Variants in RAB38 observed in about 807,000 individuals in gnomAD.
RAB38 encodes RAB38, member RAS oncogene family.
Under a neutral mutation model 18.4 loss-of-function variants are expected in RAB38, and 15 were observed. That is an observed-to-expected ratio of 0.82 (90% CI 0.55 to 1.26). The LOEUF (loss-of-function observed/expected upper bound fraction) is 1.26. Ranked by LOEUF, RAB38 falls within the 50% of genes most tolerant of loss-of-function variation. RAB38 has a pLI of 0.00. For missense variants in RAB38, 294 were observed against 267.4 expected (o/e 1.10, Z -0.69); for synonymous variants, 101 against 104.4 (o/e 0.97, Z 0.20).
the RAB38 span, among the ~76,000 whole-genome samples, chr11:88,041,501 T>C: frequency 6.6e-6 from 1 of 152,228 alleles, no homozygotes; most frequent in Admixed American, 6.5e-5. Context: ...ACCCAAATGA[T>C]TCAGAGTACC....
At chr11:88,134,986 C>T (rs181755113) in intron 2 of RAB38, among the ~76,000 whole-genome samples, 36 of 152,336 alleles carry the variant, frequency 2.4e-4, no homozygotes, top group Non-Finnish European at 2.9e-4. Context: ...AAAAATACAG[C>T]TGTCAATTCC....
chr11:88,053,037 TATATACATATATGGAATATATATATTA>T, the RAB38 span, among the ~76,000 whole-genome samples: 1 of 129,254 alleles, frequency 7.7e-6, no homozygotes, highest in Non-Finnish European at 1.6e-5. Context: ...ATATATATAA[TATATACATATATGGAATATATATATTA>T]TATATATACA....
chr11:87,832,159 A>G, the RAB38 span, among the ~76,000 whole-genome samples: 1 of 152,320 alleles, frequency 6.6e-6, no homozygotes, highest in East Asian at 1.9e-4. Context: ...AAATGCCAGC[A>G]TTGGACTAAG....
chr11:87,901,924 CTT>C, the RAB38 span, among the ~76,000 whole-genome samples: 5,244 of 143,324 alleles, frequency 0.037, 272 homozygotes, highest in Admixed American at 0.16. Flanking sequence ...GTTTGGCTGA[CTT>C]TTTTTTTTTT....
intron 2 of RAB38, among the ~76,000 whole-genome samples, chr11:88,133,112 G>A (rs1942786633): frequency 6.6e-6 from 1 of 152,134 alleles, no homozygotes; most frequent in African/African-American, 2.4e-5. Flanking sequence ...ATTGTAAACA[G>A]ATCTGGCCAC....
chr11:88,057,841 C>T, the RAB38 span, among the ~76,000 whole-genome samples: 1 of 152,140 alleles, frequency 6.6e-6, no homozygotes, highest in African/African-American at 2.4e-5. Context: ...TCTTCTTCAT[C>T]TCTACCCCCT....
chr11:87,934,939 G>A, the RAB38 span, among the ~76,000 whole-genome samples: 1 of 152,034 alleles, frequency 6.6e-6, no homozygotes. Context: ...ATATTGGAAT[G>A]TAGAAGCTTG....
intron 1 of RAB38, among the ~76,000 whole-genome samples, chr11:88,155,209 G>A (rs1226288109): frequency 2.0e-5 from 3 of 152,196 alleles, no homozygotes; most frequent in Non-Finnish European, 4.4e-5. Context: ...CCCACCCATT[G>A]TGGACCCCAA....
At chr11:88,058,864 C>T in the RAB38 span, among the ~76,000 whole-genome samples, 2 of 152,144 alleles carry the variant, frequency 1.3e-5, no homozygotes, top group Non-Finnish European at 2.9e-5. Context: ...CACATTTCCT[C>T]CTTTCTTTGG....
chr11:87,954,269 G>C, the RAB38 span, among the ~76,000 whole-genome samples: 2 of 152,160 alleles, frequency 1.3e-5, no homozygotes, highest in Non-Finnish European at 2.9e-5. Flanking sequence ...GGGTGAGCAT[G>C]TGAACTCCTA....
chr11:87,824,978 A>AAG, the RAB38 span, among the ~76,000 whole-genome samples: 24 of 150,430 alleles, frequency 1.6e-4, no homozygotes, highest in Non-Finnish European at 2.4e-4. Context: ...ACACTTTTGA[A>AAG]AGAGAGAGAG....
At chr11:87,862,422 A>G in the RAB38 span, among the ~76,000 whole-genome samples, 1 of 151,898 alleles carries the variant, frequency 6.6e-6, no homozygotes, top group Non-Finnish European at 1.5e-5. Flanking sequence ...CAAACCAGAT[A>G]TGGAATGTTC....
the RAB38 span, chr11:87,817,080 A>T: frequency 1.3e-5 from 2 of 152,166 alleles, no homozygotes; most frequent in East Asian, 1.9e-4. Context: ...TTAGGTAGAT[A>T]AGCTAACACC....
the RAB38 span, among the ~76,000 whole-genome samples, chr11:87,836,791 G>A: frequency 5.3e-5 from 8 of 152,004 alleles, no homozygotes; most frequent in East Asian, 1.9e-4. Flanking sequence ...CCAGTCCTAC[G>A]CTCTGCTCTG....
At chr11:87,975,723 A>T in the RAB38 span, among the ~76,000 whole-genome samples, 1 of 151,884 alleles carries the variant, frequency 6.6e-6, no homozygotes, top group South Asian at 2.1e-4. Flanking sequence ...ATGCTGTAAT[A>T]AATTAAGGAA....
the RAB38 span, among the ~76,000 whole-genome samples, chr11:87,870,570 C>T: frequency 5.9e-5 from 9 of 151,456 alleles, no homozygotes; most frequent in Admixed American, 2.0e-4. Context: ...TTTCTTTATT[C>T]TTGTTTTTAG....
At chr11:88,053,102 AT>A in the RAB38 span, among the ~76,000 whole-genome samples, 2 of 135,374 alleles carry the variant, frequency 1.5e-5, no homozygotes, top group Non-Finnish European at 3.1e-5. Context: ...TATTATATAT[AT>A]ACACATATAT....
the RAB38 span, among the ~76,000 whole-genome samples, chr11:87,859,323 A>G: frequency 2.6e-5 from 4 of 152,074 alleles, no homozygotes; most frequent in African/African-American, 9.7e-5. Context: ...GACTAGTTAT[A>G]AATAATGTTT....
At chr11:87,955,822 C>T in the RAB38 span, among the ~76,000 whole-genome samples, 1 of 151,822 alleles carries the variant, frequency 6.6e-6, no homozygotes, top group Non-Finnish European at 1.5e-5. Flanking sequence ...GGTCATGCCT[C>T]ATAACTCATT....
Sources: allele counts gnomAD v4.1 joint callset (sites outside exome capture counted in the v4.1 genomes callset), GRCh38; gene constraint gnomAD v4.1.1; transcripts MANE v1.5; gene names NCBI Gene and HGNC (gene_info 2026-07-23, HGNC 2026-07-21).